Variants in MYOM3 observed in about 807,000 individuals in gnomAD.
MYOM3 encodes myomesin 3, also known as myomesin-3.
In MYOM3, 155 loss-of-function variants were observed where a neutral mutation model predicts 191.7. The observed-to-expected ratio is 0.81, with a 90% CI of 0.71 to 0.92. The LOEUF is 0.92. MYOM3 is among the 40% of genes least tolerant of loss of function. The pLI is 0.00. For synonymous variants in MYOM3, 757 were observed against 762.9 expected, an observed-to-expected ratio of 0.99 and a Z score of 0.13; for missense variants, 1,889 against 1,890.6, an observed-to-expected ratio of 1.00 and a Z score of 0.02.
In MYOM3 at chr1:24,057,533, C is replaced by T. The variant is rs574626787; in HGVS notation, c.4145G>A (p.Arg1382His). 90 of 1,614,092 alleles carry T rather than the reference C, an allele frequency of 5.6e-5. No homozygotes were observed. The highest frequency in any genetic ancestry group is 1.8e-4 in the Admixed American group (11 of 60,028). Reference protein sequence around the residue: ...DQPVTFLDRYRMEVRGTEVTI... With the variant: ...DQPVTFLDRYHMEVRGTEVTI... ...GACCTCTGTCCCCCTCACTTCCATG[C>T]GGTATCGGTCAAGGAAGGTGACAGG... The change falls in exon 37 of 37, where the codon CGC (arginine) becomes CAC (histidine). Residue 1382 changes from arginine (R) to histidine (H), a missense_variant. Coordinates refer to ENST00000374434, the MANE Select transcript of MYOM3 (RefSeq NM_152372.4).
At chr1:24,090,583 T>C (rs1404385036) in intron 12 of MYOM3, among the ~76,000 whole-genome samples, 1 of 152,152 alleles carries the variant, frequency 6.6e-6, no homozygotes, top group East Asian at 1.9e-4. Flanking sequence ...AGGCTAGGGG[T>C]TCCTAAGGAC....
rs1487510992 is a variant in MYOM3, at chr1:24,111,200, C to T, written c.-19+831G>A. 6.6e-6 allele frequency among the ~76,000 whole-genome samples: 1 copy of T among 152,246 alleles called. No homozygotes were observed. The highest frequency in any genetic ancestry group is 1.5e-5 in the Non-Finnish European group (1 of 68,048). On this transcript the variant is annotated intron_variant, in intron 1 of 36. Coordinates refer to ENST00000374434, the MANE Select transcript of MYOM3 (RefSeq NM_152372.4). The surrounding 1 kb of genome is among the most constrained non-coding windows in gnomAD (Gnocchi z 4.7). ...GTGTGCCTGCGTGGAGGGGAAACTG[C>T]CCCCGCTTCCCTCTCTTGGGGTGCA...
chr1:24,057,344 C>G lies in MYOM3; in HGVS notation c.*20G>C. The G allele has an allele frequency of 6.2e-7, 1 of 1,606,554 alleles. No homozygotes were observed. Among genetic ancestry groups the G allele is most frequent in the Non-Finnish European group, 8.5e-7 (1 of 1,176,096 alleles). On this transcript the variant is annotated 3_prime_UTR_variant, in exon 37 of 37. Coordinates refer to ENST00000374434, the MANE Select transcript of MYOM3 (RefSeq NM_152372.4). Reference sequence around the variant, plus strand: ...CTGGTCCATGTAGACTAGACTCAGACTGTGCCTGGACACACGCTGTCACAT... The same window carrying G: ...CTGGTCCATGTAGACTAGACTCAGAGTGTGCCTGGACACACGCTGTCACAT...
At chr1:24,081,802 T>G in intron 18 of MYOM3, 199 bp downstream of exon 18, 1 of 616,940 alleles carries the variant, frequency 1.6e-6, no homozygotes, top group South Asian at 2.2e-5. Context: ...ACTCCTGAGC[T>G]CAAGCAATCC....
rs1643399230 is a variant in MYOM3, at chr1:24,063,588, G to A, written c.3623-58C>T. ...ATAGGGCTCCCCTAGGGATGTGCTA[G>A]GAGTGGGGACATCCTAGAAAAAGGC... On this transcript the variant is annotated intron_variant, in intron 30 of 36. Coordinates refer to ENST00000374434, the MANE Select transcript of MYOM3 (RefSeq NM_152372.4). This position sits in a 1 kb window ranked among gnomAD's most constrained non-coding sequence, Gnocchi z 4.5. 1.1e-5 allele frequency: 18 copies of A among 1,600,002 alleles called. No individual in the cohort carries two copies. The highest frequency in any genetic ancestry group is 1.5e-5 in the Non-Finnish European group (17 of 1,167,808).
chr1:24,083,309 C>T (rs1643696903), intron 16 of MYOM3: 1 of 152,212 alleles, frequency 6.6e-6, no homozygotes, highest in Non-Finnish European at 1.5e-5. Context: ...ATCTTTCTTC[C>T]ATGTTGGATG....
At chr1:24,104,448 T>C (rs541249609) in intron 5 of MYOM3, among the ~76,000 whole-genome samples, 1 of 152,316 alleles carries the variant, frequency 6.6e-6, no homozygotes, top group African/African-American at 2.4e-5. Context: ...AAGAGTTAAT[T>C]CCTTGAAGGT....
chr1:24,111,046 C>A lies in MYOM3; in HGVS notation c.-19+985G>T, dbSNP rs1644034375. On this transcript the variant is annotated intron_variant, in intron 1 of 36. Coordinates refer to ENST00000374434, the MANE Select transcript of MYOM3 (RefSeq NM_152372.4). This position sits in a 1 kb window ranked among gnomAD's most constrained non-coding sequence, Gnocchi z 4.7. ...CCTCGGGGCCTCCAGCAACCAGACCCCTGGCTTTAGCGGATGAGCTACCAA... is the reference window on the plus strand; with the variant it reads ...CCTCGGGGCCTCCAGCAACCAGACCACTGGCTTTAGCGGATGAGCTACCAA... Among the ~76,000 whole-genome samples, 1 of 152,240 alleles carries A rather than the reference C, an allele frequency of 6.6e-6. No homozygotes were observed. The highest frequency in any genetic ancestry group is 1.5e-5 in the Non-Finnish European group (1 of 68,054).
In MYOM3 at chr1:24,067,325, C is replaced by CTTCCTTCTTTCT. The variant is rs1553155380; in HGVS notation, c.3356-238_3356-237insAGAAAGAAGGAA. On this transcript the variant is annotated intron_variant, in intron 27 of 36. Coordinates refer to ENST00000374434, the MANE Select transcript of MYOM3 (RefSeq NM_152372.4). ...CTTTCCTTCTTTCTTTCTTTCTTTC[C>CTTCCTTCTTTCT]TTCTTTCTTTCTTTCTTTCTTTCTT... is the stretch of plus-strand genomic sequence containing the variant. Among the ~76,000 whole-genome samples, 24 of 58,916 alleles carry CTTCCTTCTTTCT rather than the reference C, an allele frequency of 4.1e-4. 2 individuals carry two copies. Among genetic ancestry groups the CTTCCTTCTTTCT allele is most frequent in the South Asian group, 1.2e-3 (2 of 1,678 alleles). 38.7% of individuals were successfully genotyped at this position (58,916 alleles called of 152,430 possible). A position where few individuals can be genotyped will look rare whatever the true frequency, so the allele number is the denominator to read the frequency against.
At position 24,105,657 on chromosome 1, in the gene MYOM3, G is replaced by A. The variant is rs370280018; in HGVS notation, c.560+263C>T. ...GCCTGTGGTCCCAGCTACTTGGGAG[G>A]CTGAGATGGGAGGATCACTTGAGCC... On this transcript the variant is annotated intron_variant, in intron 5 of 36. Transcript: ENST00000374434. Among the ~76,000 whole-genome samples the A allele has an allele frequency of 5.9e-5, 9 of 152,350 alleles. No individual in the cohort carries two copies. In the South Asian group the frequency reaches 1.2e-3, roughly 21 times the overall value.
intron 36 of MYOM3, among the ~76,000 whole-genome samples, chr1:24,058,701 A>C (rs1643331736): frequency 6.6e-6 from 1 of 152,200 alleles, no homozygotes; most frequent in Non-Finnish European, 1.5e-5. Flanking sequence ...TAGGATGCCC[A>C]GGGCTGTCTA....
At chr1:24,068,067 G>C in intron 26 of MYOM3, 38 bp from the exon 27 acceptor site, 1 of 1,611,686 alleles carries the variant, frequency 6.2e-7, no homozygotes, top group Non-Finnish European at 8.5e-7. Flanking sequence ...TGAGCCGAGA[G>C]GAGTGTGGGT....
At chr1:24,069,220 G>C (rs1183114605) in intron 25 of MYOM3, among the ~76,000 whole-genome samples, 1 of 152,068 alleles carries the variant, frequency 6.6e-6, no homozygotes, top group Non-Finnish European at 1.5e-5. Context: ...GTATGATTTG[G>C]GGGAGTAATC....
At chr1:24,061,338 C>T (rs1643367351) in intron 33 of MYOM3, 29 bp from the exon 34 acceptor site, 3 of 1,611,726 alleles carry the variant, frequency 1.9e-6, no homozygotes, top group African/African-American at 1.3e-5. Context: ...AGAATGGGGG[C>T]CATCAGGGCC....
intron 5 of MYOM3, among the ~76,000 whole-genome samples, chr1:24,104,211 G>C (rs946722294): frequency 1.3e-5 from 2 of 152,182 alleles, no homozygotes; most frequent in African/African-American, 4.8e-5. Context: ...AATATAAGAG[G>C]CTGCTGTTTT....
At position 24,105,933 on chromosome 1, in the gene MYOM3, G is replaced by T. The variant is rs1195853760; in HGVS notation, c.547C>A (p.Pro183Thr). 6.2e-7 allele frequency: 1 copy of T among 1,606,296 alleles called. No homozygotes were observed. Reference protein sequence around the residue: ...LTCTVQASPPPQVTWYKNDTR... With the variant: ...LTCTVQASPPTQVTWYKNDTR... ...CCAGCGGCTTACCAGGTGACCTGGG[G>T]TGGTGGTGAGGCCTGGACAGTGCAG... The change falls in exon 5 of 37, where the codon CCC becomes ACC. Residue 183 changes from proline to threonine, a missense_variant. Transcript: ENST00000374434.
chr1:24,066,134 C>A (rs1191977866), intron 28 of MYOM3, 133 bp from the exon 29 acceptor site: 1 of 739,198 alleles, frequency 1.4e-6, no homozygotes. Flanking sequence ...GGCCTCTGGA[C>A]TCTGAATTCT....
chr1:24,084,359 C>T (rs1258256021), intron 16 of MYOM3, 109 bp downstream of exon 16: 7 of 1,276,792 alleles, frequency 5.5e-6, no homozygotes, highest in Non-Finnish European at 6.7e-6. Flanking sequence ...GTATAGGTCG[C>T]AGAACTGTGA....
At chr1:24,061,522 C>G (rs1440388026) in intron 33 of MYOM3, among the ~76,000 whole-genome samples, 1 of 152,102 alleles carries the variant, frequency 6.6e-6, no homozygotes. Flanking sequence ...TTTTATTTAG[C>G]TAAAAATTTT....
Sources: gnomAD v4.1 joint callset for allele counts (sites outside exome capture counted in the v4.1 genomes callset) on GRCh38, gnomAD v4.1.1 for gene constraint, Gnocchi (gnomAD v3.1) non-coding constraint, MANE v1.5 for transcripts, NCBI Gene and HGNC (gene_info 2026-07-23, HGNC 2026-07-21) for gene names.